AUTS2: variants seen among roughly 807,000 people sequenced by gnomAD.
AUTS2 encodes the protein activator of transcription and developmental regulator AUTS2, also known as autism susceptibility gene 2 protein.
In AUTS2, 17 loss-of-function variants were observed where a neutral mutation model predicts 112.4. That is an observed-to-expected ratio of 0.15 (90% confidence interval 0.10 to 0.23). The LOEUF (loss-of-function observed/expected upper bound fraction) is 0.23, where lower values mean the gene tolerates loss of function less well. AUTS2 is among the 10% of genes least tolerant of loss of function. The probability of loss-of-function intolerance (pLI) is 1.00; values close to 1 mark genes in which losing one functional copy is unlikely to be tolerated. For synonymous variants in AUTS2, 751 were observed against 702.7 expected (o/e 1.07, Z -1.09); for missense variants, 1,510 against 1,701.6 (o/e 0.89, Z 1.98).
chr7:70,111,259 A>G (rs750999394), intron 2 of AUTS2, among the ~76,000 whole-genome samples: 3 of 151,994 alleles, frequency 2.0e-5, no homozygotes, highest in Admixed American at 6.6e-5. Flanking sequence ...ATTTACTCCC[A>G]TGTTTTCTTA....
chr7:69,977,874 G>A (rs1290838877), intron 2 of AUTS2, among the ~76,000 whole-genome samples: 2 of 152,054 alleles, frequency 1.3e-5, no homozygotes, highest in Non-Finnish European at 2.9e-5. Flanking sequence ...TCATTTTTGG[G>A]GGCCCCCAGG....
chr7:69,894,499 C>A (rs555877012), intron 1 of AUTS2, among the ~76,000 whole-genome samples: 1 of 152,110 alleles, frequency 6.6e-6, no homozygotes, highest in East Asian at 1.9e-4. Context: ...AATCTTGAAT[C>A]CTTATTTAGT....
intron 5 of AUTS2, among the ~76,000 whole-genome samples, chr7:70,572,826 T>G (rs1323527250): frequency 6.6e-6 from 1 of 152,310 alleles, no homozygotes; most frequent in East Asian, 1.9e-4. Context: ...GTTGCGGGCC[T>G]TTGCTCTCAA....
At chr7:70,406,650 C>T (rs989395886) in intron 4 of AUTS2, among the ~76,000 whole-genome samples, 1 of 152,210 alleles carries the variant, frequency 6.6e-6, no homozygotes, top group Non-Finnish European at 1.5e-5. Flanking sequence ...CCTCTCAGGC[C>T]TCATCTGTAT....
intron 5 of AUTS2, among the ~76,000 whole-genome samples, chr7:70,550,954 A>G (rs754626631): frequency 6.6e-6 from 1 of 152,154 alleles, no homozygotes; most frequent in Non-Finnish European, 1.5e-5. Context: ...GGAATATACA[A>G]GATGAACCTG....
At chr7:70,025,283 A>G (rs1237160501) in intron 2 of AUTS2, among the ~76,000 whole-genome samples, 20 of 152,086 alleles carry the variant, frequency 1.3e-4, no homozygotes, top group Non-Finnish European at 1.5e-5. Flanking sequence ...GCTAGCTTTT[A>G]TTTAGCCATG....
intron 1 of AUTS2, among the ~76,000 whole-genome samples, chr7:69,705,957 C>A (rs1356120463): frequency 1.3e-5 from 2 of 152,064 alleles, no homozygotes; most frequent in African/African-American, 4.8e-5. Flanking sequence ...ATAAAGACCT[C>A]ATTTTAATTA....
At chr7:69,799,046 A>T (rs1217457088) in intron 1 of AUTS2, among the ~76,000 whole-genome samples, 2 of 151,764 alleles carry the variant, frequency 1.3e-5, no homozygotes, top group Admixed American at 1.3e-4. Context: ...ATAAGGCTAG[A>T]GAGAAAAAAA....
At chr7:70,472,821 C>G (rs1797442716) in intron 5 of AUTS2, among the ~76,000 whole-genome samples, 1 of 152,232 alleles carries the variant, frequency 6.6e-6, no homozygotes, top group Non-Finnish European at 1.5e-5. Context: ...GAAAGGGCCT[C>G]AGATCCTTGT....
chr7:69,690,824 G>A (rs1175314880), intron 1 of AUTS2, among the ~76,000 whole-genome samples: 1 of 152,226 alleles, frequency 6.6e-6, no homozygotes, highest in Non-Finnish European at 1.5e-5. Context: ...AATTCAGCGG[G>A]TGCTGAGTTT....
rs117393549 is a variant in AUTS2, at chr7:70,091,812, A to G, written c.523-26320A>G. ...CTGAAGTTCTGTCTACATCTTTCCA[A>G]TGTTGGATTTATACCCAACATGTAG... On this transcript the variant is annotated intron_variant, in intron 2 of 18. Coordinates refer to ENST00000342771, the MANE Select transcript of AUTS2 (RefSeq NM_015570.4). Among the ~76,000 whole-genome samples, 1,503 of 152,268 alleles carry G rather than the reference A, an allele frequency of 9.9e-3. 12 individuals carry two copies. Among genetic ancestry groups the G allele is most frequent in the Non-Finnish European group, 0.015 (996 of 68,014 alleles).
Position 70,414,071 on chromosome 7 carries a change from C to T in AUTS2, c.661-21681C>T, listed in dbSNP as rs148109528. ...CCTGGATTTGAATGCTAAGGAGCTGCGTAACATTTCTGAAATCTTCCCATG... is the reference window on the plus strand; with the variant it reads ...CCTGGATTTGAATGCTAAGGAGCTGTGTAACATTTCTGAAATCTTCCCATG... On this transcript the variant is annotated intron_variant, in intron 4 of 18. Transcript: ENST00000342771. Among the ~76,000 whole-genome samples, 56 of 152,298 alleles carry T rather than the reference C, an allele frequency of 3.7e-4. 1 individual carries two copies. Among genetic ancestry groups the T allele is most frequent in the African/African-American group, 1.2e-3 (49 of 41,564 alleles).
chr7:69,602,020 GTA>G lies in AUTS2; in HGVS notation c.309+2078_309+2079del, dbSNP rs1173266676. On this transcript the variant is annotated intron_variant, in intron 1 of 18. Coordinates refer to ENST00000342771, the MANE Select transcript of AUTS2 (RefSeq NM_015570.4). ...GACAAGTAGGGATATATGTGTGTGT[GTA>G]TATATATATATATATATATGTGTGT... Among the ~76,000 whole-genome samples the G allele has an allele frequency of 2.9e-3, 199 of 68,372 alleles. 3 individuals are homozygous for G. The highest frequency in any genetic ancestry group is 5.4e-3 in the Non-Finnish European group (169 of 31,438). 44.9% of individuals were successfully genotyped at this position (68,372 alleles called of 152,430 possible). A position where few individuals can be genotyped will look rare whatever the true frequency, so the allele number is the denominator to read the frequency against.
intron 2 of AUTS2, among the ~76,000 whole-genome samples, chr7:70,101,693 C>A (rs1418854740): frequency 6.6e-6 from 1 of 151,182 alleles, no homozygotes; most frequent in Non-Finnish European, 1.5e-5. Context: ...AGACCTATCT[C>A]AAAAAACAAA....
intron 2 of AUTS2, among the ~76,000 whole-genome samples, chr7:70,056,454 A>G (rs1177604691): frequency 1.7e-4 from 26 of 151,920 alleles, no homozygotes; most frequent in Admixed American, 1.6e-3. Context: ...ACTTATTTCC[A>G]TGTTTCCCTG....
intron 1 of AUTS2, among the ~76,000 whole-genome samples, chr7:69,756,917 G>A (rs879648846): frequency 6.6e-6 from 1 of 152,080 alleles, no homozygotes; most frequent in Non-Finnish European, 1.5e-5. Flanking sequence ...TATTTGCTTT[G>A]GGTCAATAAA....
At chr7:70,307,613 T>C (rs961483007) in intron 4 of AUTS2, among the ~76,000 whole-genome samples, 2 of 152,178 alleles carry the variant, frequency 1.3e-5, no homozygotes, top group African/African-American at 4.8e-5. Flanking sequence ...ATTATCTGTA[T>C]TTTATTGGTA....
intron 5 of AUTS2, among the ~76,000 whole-genome samples, chr7:70,475,407 C>A (rs1006449697): frequency 4.6e-5 from 7 of 152,140 alleles, no homozygotes; most frequent in Non-Finnish European, 1.0e-4. Flanking sequence ...CCCACCTTTC[C>A]CCCCTCATAC....
In AUTS2 at chr7:70,028,735, T is replaced by C. The variant is rs377310822; in HGVS notation, c.523-89397T>C. 3.5e-4 allele frequency among the ~76,000 whole-genome samples: 53 copies of C among 152,294 alleles called. 1 individual carries two copies. In the South Asian group the frequency reaches 0.011, roughly 31 times the overall value. On this transcript the variant is annotated intron_variant, in intron 2 of 18. Transcript: ENST00000342771. The stretch of plus-strand genomic sequence containing the variant: ...TTAATGCTACTGCCATATTGCTTCT[T>C]GACTAGATTTTAATAATCTTCTGAT...
Sources: gnomAD v4.1 joint callset for allele counts (sites outside exome capture counted in the v4.1 genomes callset) on GRCh38, gnomAD v4.1.1 for gene constraint, MANE v1.5 for transcripts, NCBI Gene and HGNC (gene_info 2026-07-23, HGNC 2026-07-21) for gene names.